BBS2: variants seen among roughly 807,000 people sequenced by gnomAD.
BBS2 encodes Bardet-Biedl syndrome 2.
A neutral mutation model predicts 83.0 loss-of-function variants in BBS2; 62 were observed. The observed-to-expected ratio is 0.75, with a 90% CI of 0.61 to 0.92. The LOEUF is 0.92. Ranked by LOEUF, BBS2 falls within the 40% of genes least tolerant of loss-of-function variation. BBS2 has a pLI of 0.00. For missense variants in BBS2, 784 were observed against 901.0 expected (o/e 0.87, Z 1.66); for synonymous variants, 303 against 326.1 (o/e 0.93, Z 0.76).
intron 5 of BBS2, among the ~76,000 whole-genome samples, chr16:56,508,044 C>A (rs1284686650): frequency 6.6e-6 from 1 of 152,196 alleles, no homozygotes; most frequent in Non-Finnish European, 1.5e-5. Flanking sequence ...GCACCCATTT[C>A]TCCTCTTCAT....
At chr16:56,474,667 A>T (rs1323777388) in intron 17 of BBS2, among the ~76,000 whole-genome samples, 2 of 152,160 alleles carry the variant, frequency 1.3e-5, no homozygotes, top group African/African-American at 4.8e-5. Flanking sequence ...ATTCCTAACA[A>T]TCTTTTATAA....
At chr16:56,491,304 T>C (rs1963944974) in intron 15 of BBS2, among the ~76,000 whole-genome samples, 2 of 152,152 alleles carry the variant, frequency 1.3e-5, no homozygotes, top group African/African-American at 4.8e-5. Context: ...ATTAATGCCA[T>C]TAATGCCATC....
At chr16:56,497,488 A>G (rs1172459517) in intron 14 of BBS2, 13 of 547,114 alleles carry the variant, frequency 2.4e-5, no homozygotes, top group African/African-American at 2.1e-4. Context: ...GAGCTAACAA[A>G]GGAAAATGTT....
chr16:56,518,650 T>C (rs1426289010), intron 1 of BBS2, among the ~76,000 whole-genome samples: 10 of 104,302 alleles, frequency 9.6e-5, no homozygotes, highest in African/African-American at 2.5e-4. Flanking sequence ...AGATGACTCA[T>C]GTAATAAAGT....
At chr16:56,517,967 C>T (rs1352528001) in intron 1 of BBS2, among the ~76,000 whole-genome samples, 3 of 152,004 alleles carry the variant, frequency 2.0e-5, no homozygotes, top group Non-Finnish European at 4.4e-5. Flanking sequence ...TTATAGGCAC[C>T]TACCACACCT....
rs984487373 is a variant in BBS2, at chr16:56,511,081, G to A, written c.471+78C>T. The A allele has an allele frequency of 2.4e-5, 38 of 1,587,034 alleles. 1 individual carries two copies. In the African/African-American group the frequency reaches 4.4e-4, roughly 19 times the overall value. On this transcript the variant is annotated intron_variant, in intron 3 of 16. Transcript: ENST00000245157. The stretch of plus-strand genomic sequence containing the variant: ...ACAGAATTATAAATATTATTACTCA[G>A]TAGAGTTGGTGGTTAAAAAAGAACA...
At chr16:56,500,758 A>G (rs978163253) in intron 11 of BBS2, 96 bp downstream of exon 11, 2 of 1,290,772 alleles carry the variant, frequency 1.5e-6, no homozygotes, top group Non-Finnish European at 2.2e-6. Flanking sequence ...ATGGTTTCTC[A>G]GGCCCCCAAG....
At chr16:56,513,397 A>C (rs779327207) in intron 2 of BBS2, among the ~76,000 whole-genome samples, 5 of 152,232 alleles carry the variant, frequency 3.3e-5, no homozygotes, top group Admixed American at 6.5e-5. Flanking sequence ...AAAGATGTTC[A>C]CAACATATTA....
In BBS2 at chr16:56,470,748, T is replaced by A; in HGVS notation, c.*1-53A>T. On this transcript the variant is annotated intron_variant, in intron 17 of 17. Transcript: ENST00000682047. ...TCAGCAACAACAGCCAACAGAGCAATGAGCAGACAGACCCAGAGCCAGAGG... is the reference window on the plus strand; with the variant it reads ...TCAGCAACAACAGCCAACAGAGCAAAGAGCAGACAGACCCAGAGCCAGAGG... 3.7e-6 allele frequency: 6 copies of A among 1,612,506 alleles called. No homozygotes were observed. The South Asian group carries it at 6.6e-5, about 18-fold the overall frequency.
chr16:56,502,296 C>A, intron 9 of BBS2, 21 bp downstream of exon 9: 1 of 1,613,982 alleles, frequency 6.2e-7, no homozygotes, highest in South Asian at 1.1e-5. Context: ...ATTACCTGGT[C>A]ACATTAGGAC....
chr16:56,516,598 G>A (rs938875357), intron 1 of BBS2, among the ~76,000 whole-genome samples: 9 of 151,906 alleles, frequency 5.9e-5, no homozygotes, highest in Non-Finnish European at 1.3e-4. Flanking sequence ...GGTTTCAGTC[G>A]GCCAGGTTGG....
At chr16:56,519,630 G>A in intron 1 of BBS2, 116 bp downstream of exon 1, 1 of 802,114 alleles carries the variant, frequency 1.2e-6, no homozygotes. Context: ...CCGACCGGTT[G>A]CCGGGCAACA....
chr16:56,519,372 A>ACT (rs1964850230), intron 1 of BBS2: 3 of 189,382 alleles, frequency 1.6e-5, no homozygotes, highest in African/African-American at 7.2e-5. Context: ...AGTGTTAGAG[A>ACT]GTCAGAGGAA....
chr16:56,481,878 C>T (rs1360042653), downstream of BBS2, among the ~76,000 whole-genome samples: 4 of 152,162 alleles, frequency 2.6e-5, no homozygotes, highest in African/African-American at 9.7e-5. Context: ...GTTTCCAACA[C>T]CTCCTTCACA....
chr16:56,490,227 C>G (rs879699410), intron 15 of BBS2, among the ~76,000 whole-genome samples: 1 of 151,810 alleles, frequency 6.6e-6, no homozygotes, highest in African/African-American at 2.4e-5. Context: ...TATATGAACA[C>G]CAGGATAAAC....
chr16:56,511,341 T>G (rs1465983405), intron 2 of BBS2, 57 bp from the exon 3 acceptor site: 1 of 1,607,446 alleles, frequency 6.2e-7, no homozygotes, highest in Non-Finnish European at 8.5e-7. Context: ...GGCCCACATA[T>G]TAATTGGGCC....
At chr16:56,487,049 C>T (rs1963803329) in intron 15 of BBS2, among the ~76,000 whole-genome samples, 2 of 152,048 alleles carry the variant, frequency 1.3e-5, no homozygotes, top group Admixed American at 1.3e-4. Flanking sequence ...CAAGTGTGAG[C>T]CACCCGGCCA....
intron 15 of BBS2, among the ~76,000 whole-genome samples, chr16:56,492,048 T>C (rs1258818812): frequency 1.3e-5 from 2 of 151,588 alleles, no homozygotes; most frequent in Non-Finnish European, 2.9e-5. Flanking sequence ...AAATTTTTAA[T>C]GATTAAATAT....
At chr16:56,500,684 T>C in intron 11 of BBS2, 170 bp downstream of exon 11, 1 of 650,944 alleles carries the variant, frequency 1.5e-6, no homozygotes, top group Non-Finnish European at 2.6e-6. Context: ...CCATTTTCTT[T>C]TTACAGGTTT....
Sources: gnomAD v4.1 joint callset for allele counts (sites outside exome capture counted in the v4.1 genomes callset) on GRCh38, gnomAD v4.1.1 for gene constraint, MANE v1.5 for transcripts, NCBI Gene and HGNC (gene_info 2026-07-23, HGNC 2026-07-21) for gene names.